REM1: variants seen among roughly 807,000 people sequenced by gnomAD.
REM1 encodes the protein GTP-binding protein REM 1.
REM1 carries 20 observed loss-of-function variants against 27.0 expected under a neutral mutation model. The ratio of observed to expected loss-of-function variants is 0.74; its 90% CI spans 0.52 to 1.08. The LOEUF (loss-of-function observed/expected upper bound fraction) is 1.08, where lower values mean the gene tolerates loss of function less well. Ranked by LOEUF, REM1 falls within the 50% of genes least tolerant of loss-of-function variation. REM1 has a pLI of 0.00. For synonymous variants in REM1, 159 were observed against 167.9 expected, an observed-to-expected ratio of 0.95 and a Z score of 0.41; for missense variants, 405 against 407.0, an observed-to-expected ratio of 1.00 and a Z score of 0.04.
In REM1 at chr20:31,482,307, G is replaced by C; in HGVS notation, c.444G>C (p.Glu148Asp). ...TGCAGGATAAAAGCTGGAGCCAGGA[G>C]TCATGCCTGCAGGGGGGCAGTGCCT... is the stretch of plus-strand genomic sequence containing the variant. ...AEKLDKSWSQ[E>D]SCLQGGSAYV... The change falls in exon 4 of 5, where the codon GAG becomes GAC. Residue 148 changes from glutamate (E) to aspartate (D), a missense_variant. By Grantham distance (45) the Glu-to-Asp change is conservative. Coordinates refer to ENST00000201979, the MANE Select transcript of REM1 (RefSeq NM_014012.6). 6.2e-7 allele frequency: 1 copy of C among 1,614,146 alleles called. No homozygotes were observed. Among genetic ancestry groups the C allele is most frequent in the East Asian group, 2.2e-5 (1 of 44,870 alleles).
chr20:31,476,880 T>C (rs974674318), intron 2 of REM1, 95 bp downstream of exon 2: 4 of 1,035,116 alleles, frequency 3.9e-6, no homozygotes, highest in Non-Finnish European at 5.5e-6. Context: ...GTACAAGTCA[T>C]GCACTGTTCA....
rs192769698 is a variant in REM1, at chr20:31,480,355, G to A, written c.424-1932G>A. On this transcript the variant is annotated intron_variant, in intron 3 of 4. Coordinates refer to ENST00000201979, the MANE Select transcript of REM1 (RefSeq NM_014012.6). ...TTTCTTTTTTTTGAGATGGAGTCTC[G>A]CCCTGTCACCTAGGCTGGAGTGCAG... Among the ~76,000 whole-genome samples, 47 of 151,630 alleles carry A rather than the reference G, an allele frequency of 3.1e-4. No individual in the cohort carries two copies. The East Asian group carries it at 7.9e-3, about 26-fold the overall frequency.
At chr20:31,482,634 C>A in intron 4 of REM1, 146 bp downstream of exon 4, 1 of 761,406 alleles carries the variant, frequency 1.3e-6, no homozygotes, top group Non-Finnish European at 2.2e-6. Flanking sequence ...GGGAACCATT[C>A]TTGCCTCCCA....
chr20:31,484,590 G>A lies in REM1; in HGVS notation c.*160G>A, dbSNP rs1290578891. 4.3e-6 allele frequency: 4 copies of A among 926,862 alleles called. No individual in the cohort carries two copies. Among genetic ancestry groups the A allele is most frequent in the Non-Finnish European group, 6.0e-6 (4 of 665,490 alleles). The allele number at this position is 926,862 out of a possible 1,614,324, so 57.4% of individuals were successfully genotyped here. A position where few individuals can be genotyped will look rare whatever the true frequency, so the allele number is the denominator to read the frequency against. ...AGCATCCCCCAGATCCAAGCCTGGG[G>A]GATCCCGGGAAAGCGATGGACAGAC... On this transcript the variant is annotated 3_prime_UTR_variant, in exon 5 of 5. Coordinates refer to ENST00000201979, the MANE Select transcript of REM1 (RefSeq NM_014012.6).
At chr20:31,479,684 C>T (rs1052903619) in intron 3 of REM1, among the ~76,000 whole-genome samples, 15 of 152,124 alleles carry the variant, frequency 9.9e-5, no homozygotes, top group African/African-American at 2.9e-4. Context: ...TCCGTCTGTG[C>T]GCTACATGGT....
At chr20:31,477,293 G>A (rs1185995064) in intron 2 of REM1, among the ~76,000 whole-genome samples, 1 of 152,132 alleles carries the variant, frequency 6.6e-6, no homozygotes, top group Non-Finnish European at 1.5e-5. Flanking sequence ...AGCTGAGAGT[G>A]TCGGGGGCCC....
intron 3 of REM1, among the ~76,000 whole-genome samples, chr20:31,479,906 A>T (rs527910096): frequency 3.1e-4 from 47 of 152,208 alleles, no homozygotes; most frequent in African/African-American, 1.1e-3. Context: ...CCTGACCAAC[A>T]TGGAGAAACC....
In REM1 at chr20:31,482,498, C is replaced by G. The variant is rs750435370; in HGVS notation, c.625+10C>G. ...GAAGTCTCTGTGGAAGGTGAGCCCT[C>G]CATCCCACCACCTCCTCTTCACCTG... On this transcript the variant is annotated intron_variant, in intron 4 of 4. Coordinates refer to ENST00000201979, the MANE Select transcript of REM1 (RefSeq NM_014012.6). 1.9e-6 allele frequency: 3 copies of G among 1,613,048 alleles called. No individual in the cohort carries two copies. The highest frequency in any genetic ancestry group is 2.5e-6 in the Non-Finnish European group (3 of 1,179,436).
At chr20:31,479,696 C>G (rs1210796017) in intron 3 of REM1, among the ~76,000 whole-genome samples, 1 of 152,174 alleles carries the variant, frequency 6.6e-6, no homozygotes, top group Non-Finnish European at 1.5e-5. Flanking sequence ...CTACATGGTA[C>G]TCTGATATCA....
At position 31,476,461 on chromosome 20, in the gene REM1, G is replaced by A. The variant is rs146287841; in HGVS notation, c.16G>A (p.Glu6Lys). ...CCTACCAAAGATGACACTCAACACCGAGCAGGAAGCAAAGACCCCTCTGCA... is the reference window on the plus strand; with the variant it reads ...CCTACCAAAGATGACACTCAACACCAAGCAGGAAGCAAAGACCCCTCTGCA... MTLNT[E>K]QEAKTPLHRR... The change falls in exon 2 of 5, where the codon GAG becomes AAG. Residue 6 changes from glutamate (E) to lysine (K), a missense_variant. Glu to Lys is a moderately conservative substitution (Grantham distance 56). Coordinates refer to ENST00000201979, the MANE Select transcript of REM1 (RefSeq NM_014012.6). 2.3e-5 allele frequency: 37 copies of A among 1,592,040 alleles called. No individual in the cohort carries two copies. Among genetic ancestry groups the A allele is most frequent in the Non-Finnish European group, 2.7e-5 (32 of 1,169,166 alleles).
At chr20:31,476,868 T>A in intron 2 of REM1, 83 bp downstream of exon 2, 1 of 1,178,572 alleles carries the variant, frequency 8.5e-7, no homozygotes, top group Non-Finnish European at 1.2e-6. Context: ...CCAAGAACAG[T>A]TGTACAAGTC....
Position 31,482,267 on chromosome 20 carries a change from C to G in REM1, c.424-20C>G, listed in dbSNP as rs200229662. ...GCCTAGATACCCTCTGAGGATGGGT[C>G]TTGGGTCCCTCTCCTGCAGGATAAA... On this transcript the variant is annotated intron_variant, in intron 3 of 4. Transcript: ENST00000201979. 7 of 1,613,360 alleles carry G rather than the reference C, an allele frequency of 4.3e-6. No individual in the cohort carries two copies. In the Admixed American group the frequency reaches 1.0e-4, roughly 23 times the overall value.
In REM1 at chr20:31,475,611, A is replaced by G. The variant is rs1980467097; in HGVS notation, c.-220+245A>G. On this transcript the variant is annotated intron_variant, in intron 1 of 4. Coordinates refer to ENST00000201979, the MANE Select transcript of REM1 (RefSeq NM_014012.6). This position sits in a 1 kb window ranked among gnomAD's most constrained non-coding sequence, Gnocchi z 5.0. ...GAAAGCTCGGACCCAGACTCCAGGA[A>G]TGGCACAGCGTTCCCGGGCCCTGTG... Among the ~76,000 whole-genome samples, 1 of 152,154 alleles carries G rather than the reference A, an allele frequency of 6.6e-6. No individual in the cohort carries two copies. Among genetic ancestry groups the G allele is most frequent in the South Asian group, 2.1e-4 (1 of 4,828 alleles).
intron 3 of REM1, among the ~76,000 whole-genome samples, chr20:31,478,981 C>T (rs572091252): frequency 2.0e-4 from 31 of 152,210 alleles, no homozygotes; most frequent in African/African-American, 7.5e-4. Context: ...ATTACAGGCA[C>T]CTGTCACCAT....
At position 31,476,512 on chromosome 20, in the gene REM1, CT is replaced by C. The variant is rs1423585820; in HGVS notation, c.68del (p.Leu23ArgfsTer11). ...CCGGCGAGCCAGCACCCCACTGCCCCTGTCCCCACGGGGCCACCAGCCTGGC... is the reference window on the plus strand; with the variant it reads ...CCGGCGAGCCAGCACCCCACTGCCCCGTCCCCACGGGGCCACCAGCCTGGC... The part of the protein sequence containing the change: ...LHRRASTPLP[L>X]SPRGHQPGRL... On this transcript the variant is annotated frameshift_variant, in exon 2 of 5. Transcript: ENST00000201979. LOFTEE classifies it high-confidence loss of function. The C allele has an allele frequency of 1.9e-6, 3 of 1,613,822 alleles. No homozygotes were observed. The highest frequency in any genetic ancestry group is 1.3e-5 in the African/African-American group (1 of 74,930).
rs1427498418 is a variant in REM1 at position 31,484,497 on chromosome 20, C to A, written c.*67C>A. The A allele has an allele frequency of 7.0e-7, 1 of 1,424,924 alleles. No homozygotes were observed. The allele number at this position is 1,424,924 out of a possible 1,614,324, so 88.3% of individuals were successfully genotyped here. On this transcript the variant is annotated 3_prime_UTR_variant, in exon 5 of 5. Coordinates refer to ENST00000201979, the MANE Select transcript of REM1 (RefSeq NM_014012.6). ...ATTCTGGGCTCCAGGGACGCCACTG[C>A]GGGGCAAAGGCGCCGTTACCTGGAG...
Position 31,476,215 on chromosome 20 carries a change from A to T in REM1, c.-219-12A>T. 1.9e-6 allele frequency: 1 copy of T among 527,490 alleles called. No individual in the cohort carries two copies. The highest frequency in any genetic ancestry group is 3.3e-6 in the Non-Finnish European group (1 of 301,556). The allele number at this position is 527,490 out of a possible 1,614,324, so 32.7% of individuals were successfully genotyped here. Reference sequence around the variant, plus strand: ...CACAGCCTGCACACTCACTCCTTCCATCCGGATCCAGGTTTATGCAGAGCC... The same window carrying T: ...CACAGCCTGCACACTCACTCCTTCCTTCCGGATCCAGGTTTATGCAGAGCC... On this transcript the variant is annotated splice_polypyrimidine_tract_variant and intron_variant, in intron 1 of 4. Transcript: ENST00000201979.
chr20:31,476,411 G>C lies in REM1; in HGVS notation c.-35G>C, dbSNP rs750557859. On this transcript the variant is annotated 5_prime_UTR_variant, in exon 2 of 5. Coordinates refer to ENST00000201979, the MANE Select transcript of REM1 (RefSeq NM_014012.6). The stretch of plus-strand genomic sequence containing the variant: ...AGCCAATTCCCCCTTCTTTCAGAAG[G>C]AAAGAAGGAAGAAGCAAACCCCCCC... 77 of 1,497,224 alleles carry C rather than the reference G, an allele frequency of 5.1e-5. No individual in the cohort carries two copies. Among genetic ancestry groups the C allele is most frequent in the Non-Finnish European group, 5.5e-5 (61 of 1,111,084 alleles). The allele number at this position is 1,497,224 out of a possible 1,614,324, so 92.7% of individuals were successfully genotyped here. A position where few individuals can be genotyped will look rare whatever the true frequency, so the allele number is the denominator to read the frequency against.
chr20:31,476,441 C>T lies in REM1; in HGVS notation c.-5C>T. 6.4e-7 allele frequency: 1 copy of T among 1,551,746 alleles called. No individual in the cohort carries two copies. The highest frequency in any genetic ancestry group is 8.7e-7 in the Non-Finnish European group (1 of 1,151,184). ...AAGGAAGAAGCAAACCCCCCCCTAC[C>T]AAAGATGACACTCAACACCGAGCAG... On this transcript the variant is annotated 5_prime_UTR_variant, in exon 2 of 5. Coordinates refer to ENST00000201979, the MANE Select transcript of REM1 (RefSeq NM_014012.6).
Sources: allele counts gnomAD v4.1 joint callset (sites outside exome capture counted in the v4.1 genomes callset), GRCh38; gene constraint gnomAD v4.1.1; non-coding constraint Gnocchi (gnomAD v3.1); transcripts MANE v1.5; gene names NCBI Gene and HGNC (gene_info 2026-07-23, HGNC 2026-07-21).